OCA2: variants seen among roughly 807,000 people sequenced by gnomAD.
OCA2 encodes the protein OCA2 melanosomal transmembrane protein, also known as P protein.
OCA2 carries 77 observed loss-of-function variants against 100.2 expected under a neutral mutation model. The ratio of observed to expected loss-of-function variants is 0.77; its 90% CI spans 0.64 to 0.93. The LOEUF (loss-of-function observed/expected upper bound fraction) is 0.93, where lower values mean the gene tolerates loss of function less well. Among genes scored for constraint, OCA2 ranks in the 40% least tolerant of loss-of-function variants. The pLI is 0.00. For missense variants in OCA2, 1,062 were observed against 1,089.1 expected (o/e 0.98, Z 0.35); for synonymous variants, 432 against 439.2 (o/e 0.98, Z 0.21).
chr15:28,022,584 CAG>C lies in OCA2; in HGVS notation c.574-13_574-12del. 1 of 1,608,088 alleles carries C rather than the reference CAG, an allele frequency of 6.2e-7. No individual in the cohort carries two copies. Among genetic ancestry groups the C allele is most frequent in the South Asian group, 1.1e-5 (1 of 90,944 alleles). On this transcript the variant is annotated splice_polypyrimidine_tract_variant and intron_variant, in intron 5 of 23. Coordinates refer to ENST00000354638, the MANE Select transcript of OCA2 (RefSeq NM_000275.3). ...TAGGCTGAACAAAATCTGTAACAAT[CAG>C]AAACGTTGAATGACAGAGGTGTGGT...
chr15:27,825,544 G>A (rs1033552297), intron 23 of OCA2, among the ~76,000 whole-genome samples: 17 of 152,176 alleles, frequency 1.1e-4, no homozygotes, highest in African/African-American at 4.1e-4. Flanking sequence ...TGCCCCCTAG[G>A]AAAGGAGGTG....
At chr15:27,888,126 C>T (rs2037307888) in intron 19 of OCA2, among the ~76,000 whole-genome samples, 1 of 152,182 alleles carries the variant, frequency 6.6e-6, no homozygotes, top group South Asian at 2.1e-4. Flanking sequence ...TGAAACTCCT[C>T]TCCACAGGAA....
intron 23 of OCA2, among the ~76,000 whole-genome samples, chr15:27,791,776 C>G (rs1365713155): frequency 6.6e-6 from 1 of 152,144 alleles, no homozygotes; most frequent in African/African-American, 2.4e-5. Context: ...GAGCAACGTA[C>G]TAGACACACT....
chr15:27,823,108 A>C (rs1595468480), intron 23 of OCA2, among the ~76,000 whole-genome samples: 1 of 152,368 alleles, frequency 6.6e-6, no homozygotes, highest in East Asian at 1.9e-4. Context: ...ATTCAAAATA[A>C]AATTCGTTGA....
chr15:27,752,595 T>C (rs1382633035), downstream of OCA2, among the ~76,000 whole-genome samples: 1 of 152,148 alleles, frequency 6.6e-6, no homozygotes, highest in Non-Finnish European at 1.5e-5. Context: ...TCAGCAGTGC[T>C]TCCTGTCCCC....
chr15:28,035,499 C>T (rs1411005324), intron 2 of OCA2, among the ~76,000 whole-genome samples: 2 of 152,176 alleles, frequency 1.3e-5, no homozygotes, highest in Non-Finnish European at 2.9e-5. Flanking sequence ...AGAGAAGATG[C>T]AGGATTGCCC....
At chr15:27,906,906 C>G in intron 19 of OCA2, among the ~76,000 whole-genome samples, 1 of 152,008 alleles carries the variant, frequency 6.6e-6, no homozygotes, top group Non-Finnish European at 1.5e-5. Flanking sequence ...TAAAGGGGAC[C>G]CAGGGCATGC....
At chr15:27,936,999 G>A (rs911019747) in intron 18 of OCA2, among the ~76,000 whole-genome samples, 1 of 152,014 alleles carries the variant, frequency 6.6e-6, no homozygotes, top group Non-Finnish European at 1.5e-5. Flanking sequence ...GGGAGGGGAC[G>A]CTGCTGACTT....
intron 23 of OCA2, among the ~76,000 whole-genome samples, chr15:27,830,188 A>T (rs2034897240): frequency 6.6e-6 from 1 of 152,188 alleles, no homozygotes; most frequent in South Asian, 2.1e-4. Flanking sequence ...TATGTCACTG[A>T]CCCCACAAAA....
At chr15:27,831,278 C>T (rs2034940475) in intron 23 of OCA2, among the ~76,000 whole-genome samples, 1 of 36,930 alleles carries the variant, frequency 2.7e-5, no homozygotes, top group African/African-American at 8.2e-5. Context: ...GAGCGAGACT[C>T]CGTCTCAAAA....
intron 2 of OCA2, among the ~76,000 whole-genome samples, chr15:28,072,734 A>G (rs2141814832): frequency 6.6e-6 from 1 of 152,322 alleles, no homozygotes; most frequent in Admixed American, 6.5e-5. Context: ...GATGCAAATT[A>G]AAACCACAAT....
intron 19 of OCA2, 109 bp downstream of exon 19, chr15:27,926,018 G>T: frequency 7.7e-7 from 1 of 1,305,680 alleles, no homozygotes; most frequent in East Asian, 2.4e-5. Flanking sequence ...TTTCCACTTA[G>T]AGAATATAAG....
chr15:27,835,354 C>A (rs74005245), intron 23 of OCA2, among the ~76,000 whole-genome samples: 10,796 of 152,226 alleles, frequency 0.071, 520 homozygotes, highest in African/African-American at 0.14. Context: ...GCTCCTTCCC[C>A]TGTTTCTAGG....
At chr15:27,984,942 G>T in intron 13 of OCA2, 122 bp downstream of exon 13, 1 of 1,138,988 alleles carries the variant, frequency 8.8e-7, no homozygotes, top group Non-Finnish European at 1.3e-6. Context: ...AGTGAGCTGT[G>T]GGCTCAACCG....
chr15:27,721,241 G>A, the OCA2 span, among the ~76,000 whole-genome samples: 6 of 152,086 alleles, frequency 3.9e-5, no homozygotes, highest in Admixed American at 3.9e-4. Flanking sequence ...CGGTGCTCAG[G>A]CCTGTAATCC....
At chr15:28,061,734 A>T (rs1305613888) in intron 2 of OCA2, among the ~76,000 whole-genome samples, 1 of 152,246 alleles carries the variant, frequency 6.6e-6, no homozygotes, top group Admixed American at 6.5e-5. Flanking sequence ...TCTGTTGTTT[A>T]TAAGCTACTC....
At chr15:28,084,520 T>C (rs2044740886) in intron 1 of OCA2, among the ~76,000 whole-genome samples, 1 of 152,138 alleles carries the variant, frequency 6.6e-6, no homozygotes, top group Non-Finnish European at 1.5e-5. Flanking sequence ...CACCACAAAG[T>C]GTACCTGTTA....
intron 7 of OCA2, among the ~76,000 whole-genome samples, chr15:28,017,555 G>C (rs1034203478): frequency 1.3e-5 from 2 of 152,174 alleles, no homozygotes; most frequent in Admixed American, 6.5e-5. Context: ...GGCCAGGGCA[G>C]CCGGTTCAGA....
intron 23 of OCA2, among the ~76,000 whole-genome samples, chr15:27,770,655 T>A (rs1287912387): frequency 6.6e-6 from 1 of 151,076 alleles, no homozygotes; most frequent in African/African-American, 2.5e-5. Context: ...TCCCGTGGCC[T>A]CTGAATCCAA....
Sources: gnomAD v4.1 joint callset for allele counts (sites outside exome capture counted in the v4.1 genomes callset) on GRCh38, gnomAD v4.1.1 for gene constraint, MANE v1.5 for transcripts, NCBI Gene and HGNC (gene_info 2026-07-23, HGNC 2026-07-21) for gene names.